ELL2: variants seen among roughly 807,000 people sequenced by gnomAD.
ELL2 encodes the protein RNA polymerase II elongation factor ELL2.
In ELL2, 21 loss-of-function variants were observed where a neutral mutation model predicts 72.8. That is an observed-to-expected ratio of 0.29 (90% CI 0.20 to 0.42). The LOEUF (loss-of-function observed/expected upper bound fraction) is 0.42, where lower values mean the gene tolerates loss of function less well. Ranked by LOEUF, ELL2 falls within the 10% of genes least tolerant of loss-of-function variation. ELL2 has a pLI of 1.00. For missense variants in ELL2, 568 were observed against 772.8 expected (o/e 0.73, Z 3.14); for synonymous variants, 266 against 283.2 (o/e 0.94, Z 0.61).
intron 4 of ELL2, among the ~76,000 whole-genome samples, chr5:95,908,668 C>G (rs1447000785): frequency 2.0e-5 from 3 of 152,086 alleles, no homozygotes; most frequent in African/African-American, 7.2e-5. Flanking sequence ...CAAAGGGAAA[C>G]CATTTAATCC....
intron 6 of ELL2, 73 bp from the exon 7 acceptor site, chr5:95,900,853 T>C: frequency 1.3e-6 from 2 of 1,561,620 alleles, no homozygotes; most frequent in South Asian, 2.5e-5. Flanking sequence ...TTGCCTTGCT[T>C]CCCTTCCCAC....
At chr5:95,954,315 CT>C (rs1037962262) in intron 1 of ELL2, among the ~76,000 whole-genome samples, 4 of 152,070 alleles carry the variant, frequency 2.6e-5, no homozygotes, top group Non-Finnish European at 5.9e-5. Flanking sequence ...TCCAATTTCC[CT>C]TTTTCTATTA....
intron 7 of ELL2, among the ~76,000 whole-genome samples, chr5:95,899,771 T>C (rs960874615): frequency 6.6e-6 from 1 of 152,168 alleles, no homozygotes; most frequent in African/African-American, 2.4e-5. Flanking sequence ...TTGATCAGAG[T>C]AGAAGTAGTT....
intron 2 of ELL2, among the ~76,000 whole-genome samples, chr5:95,940,063 C>T (rs1194406182): frequency 1.3e-5 from 2 of 152,182 alleles, no homozygotes; most frequent in Admixed American, 6.5e-5. Context: ...TCCTGATATT[C>T]ATGAGTTTAG....
At chr5:95,955,246 C>A (rs1409216998) in intron 1 of ELL2, among the ~76,000 whole-genome samples, 1 of 152,142 alleles carries the variant, frequency 6.6e-6, no homozygotes, top group Non-Finnish European at 1.5e-5. Flanking sequence ...AAACTCATGC[C>A]ATTTGTTTAA....
intron 4 of ELL2, 75 bp from the exon 5 acceptor site, chr5:95,906,857 AT>A: frequency 7.2e-7 from 1 of 1,385,668 alleles, no homozygotes; most frequent in Non-Finnish European, 9.5e-7. Flanking sequence ...CACAATTCTG[AT>A]TTAGGTACCT....
chr5:95,929,124 C>T (rs1432672105), intron 2 of ELL2, among the ~76,000 whole-genome samples: 1 of 152,210 alleles, frequency 6.6e-6, no homozygotes, highest in Non-Finnish European at 1.5e-5. Flanking sequence ...CTTTCTGAGT[C>T]TCCATGGTCC....
chr5:95,901,908 G>C (rs1049370654), intron 5 of ELL2, among the ~76,000 whole-genome samples: 3 of 152,208 alleles, frequency 2.0e-5, no homozygotes, highest in Admixed American at 2.0e-4. Flanking sequence ...ACAATGTGAG[G>C]TCTCATCACG....
At chr5:95,904,332 T>C (rs776208557) in intron 5 of ELL2, among the ~76,000 whole-genome samples, 9 of 152,214 alleles carry the variant, frequency 5.9e-5, no homozygotes, top group Admixed American at 2.6e-4. Context: ...AATATCCAAA[T>C]GTTAAGCTGG....
At chr5:95,919,082 T>G (rs1023431015) in intron 3 of ELL2, among the ~76,000 whole-genome samples, 1 of 152,154 alleles carries the variant, frequency 6.6e-6, no homozygotes, top group African/African-American at 2.4e-5. Flanking sequence ...AAATATGCTA[T>G]AAGATTCTTG....
At chr5:95,931,838 C>T (rs1333691823) in intron 2 of ELL2, among the ~76,000 whole-genome samples, 1 of 145,794 alleles carries the variant, frequency 6.9e-6, no homozygotes, top group Non-Finnish European at 1.5e-5. Flanking sequence ...TTTCAGATTC[C>T]CAGAGTCCCA....
chr5:95,931,796 T>TAA (rs368583353), intron 2 of ELL2, among the ~76,000 whole-genome samples: 1,579 of 72,502 alleles, frequency 0.022, 187 homozygotes, highest in African/African-American at 0.054. Context: ...GCCCTATCCA[T>TAA]AAAAAAAAAA....
In ELL2 at chr5:95,903,521, G is replaced by A. The variant is rs142085387; in HGVS notation, c.742-2441C>T. Among the ~76,000 whole-genome samples, 93 of 152,162 alleles carry A rather than the reference G, an allele frequency of 6.1e-4. No homozygotes were observed. The East Asian group carries it at 0.013, about 21-fold the overall frequency. ...TGGGATTACAGGGGTGAGCCACGGC[G>A]CCTGGCCTAGGACCTTTGTTTTTTA... On this transcript the variant is annotated intron_variant, in intron 5 of 11. Coordinates refer to ENST00000237853, the MANE Select transcript of ELL2 (RefSeq NM_012081.6).
In ELL2 at chr5:95,895,499, A is replaced by G; in HGVS notation, c.1589+129T>C. 5 of 804,492 alleles carry G rather than the reference A, an allele frequency of 6.2e-6. No individual in the cohort carries two copies. The South Asian group carries it at 8.5e-5, about 14-fold the overall frequency. The allele number at this position is 804,492 out of a possible 1,614,324, so 49.8% of individuals were successfully genotyped here. A position where few individuals can be genotyped will look rare whatever the true frequency, so the allele number is the denominator to read the frequency against. ...GAGCAGGCTAAATGGCAGCCTTTCA[A>G]TTGCAAGGGTGGCTCCAGGACTCTA... is the stretch of plus-strand genomic sequence containing the variant. On this transcript the variant is annotated intron_variant, in intron 9 of 11. Coordinates refer to ENST00000237853, the MANE Select transcript of ELL2 (RefSeq NM_012081.6).
Position 95,942,898 on chromosome 5 carries a change from T to C in ELL2, c.195+104A>G, listed in dbSNP as rs979848815. 4.2e-6 allele frequency: 3 copies of C among 716,026 alleles called. No homozygotes were observed. In the African/African-American group the frequency reaches 5.7e-5, roughly 14 times the overall value. 44.4% of individuals were successfully genotyped at this position (716,026 alleles called of 1,614,324 possible). ...TCATTTAGTCACAAAGCTCACAGAA[T>C]GAGTGGCTGATTATAATAAAAGGGT... On this transcript the variant is annotated intron_variant, in intron 2 of 11. Coordinates refer to ENST00000237853, the MANE Select transcript of ELL2 (RefSeq NM_012081.6).
intron 1 of ELL2, 87 bp downstream of exon 1, chr5:95,961,488 C>A: frequency 1.5e-6 from 2 of 1,346,912 alleles, no homozygotes; most frequent in East Asian, 3.1e-5. Flanking sequence ...CCAGCCACGG[C>A]TCCGCCGGCC....
intron 4 of ELL2, among the ~76,000 whole-genome samples, chr5:95,907,296 A>ATATATTTTTTTTTTTT: frequency 2.6e-5 from 3 of 116,520 alleles, no homozygotes; most frequent in South Asian, 3.0e-4. Flanking sequence ...ATATATATAT[A>ATATATTTTTTTTTTTT]TTTTTTTTTT....
intron 2 of ELL2, among the ~76,000 whole-genome samples, chr5:95,924,765 GAA>G (rs1750226000): frequency 6.6e-6 from 1 of 152,084 alleles, no homozygotes; most frequent in African/African-American, 2.4e-5. Context: ...AAGCTACAAA[GAA>G]AAAGTTTCAG....
chr5:95,945,785 G>C (rs1751134897), intron 1 of ELL2, among the ~76,000 whole-genome samples: 1 of 152,176 alleles, frequency 6.6e-6, no homozygotes, highest in South Asian at 2.1e-4. Context: ...TCAGAGGGCA[G>C]GTCTGTATGT....
Sources: allele counts gnomAD v4.1 joint callset (sites outside exome capture counted in the v4.1 genomes callset), GRCh38; gene constraint gnomAD v4.1.1; transcripts MANE v1.5; gene names NCBI Gene and HGNC (gene_info 2026-07-23, HGNC 2026-07-21).